The following CNIH3 variants were observed in gnomAD, a reference collection of about 807,000 sequenced individuals.
CNIH3 encodes the protein protein cornichon homolog 3.
CNIH3 carries 14 observed loss-of-function variants against 24.1 expected under a neutral mutation model. That is an observed-to-expected ratio of 0.58 (90% CI 0.38 to 0.91). The LOEUF (loss-of-function observed/expected upper bound fraction) is 0.91. Ranked by LOEUF, CNIH3 falls within the 40% of genes least tolerant of loss-of-function variation. The pLI is 0.00. For missense variants in CNIH3, 178 were observed against 196.8 expected, an observed-to-expected ratio of 0.90 and a Z score of 0.57; for synonymous variants, 68 against 73.8, an observed-to-expected ratio of 0.92 and a Z score of 0.40.
rs144375497 is a variant in CNIH3 at position 224,686,757 on chromosome 1, C to T, written c.198+1914C>T. ...TTTTATGCTGCTTGACCAGTGACTC[C>T]GGCCAGGCAGCAGGCAATGGCCAAG... On this transcript the variant is annotated intron_variant, in intron 3 of 5. Transcript: ENST00000272133. 3.9e-5 allele frequency among the ~76,000 whole-genome samples: 6 copies of T among 152,344 alleles called. No homozygotes were observed. The East Asian group carries it at 5.8e-4, about 15-fold the overall frequency.
chr1:224,725,513 G>A (rs1430053303), intron 3 of CNIH3, among the ~76,000 whole-genome samples: 1 of 152,170 alleles, frequency 6.6e-6, no homozygotes, highest in South Asian at 2.1e-4. Context: ...GTCGACAGGG[G>A]CATTCAGAGA....
intron 1 of CNIH3, among the ~76,000 whole-genome samples, chr1:224,642,476 T>C (rs1047495598): frequency 6.6e-6 from 1 of 152,174 alleles, no homozygotes; most frequent in African/African-American, 2.4e-5. Context: ...ACAATCCACC[T>C]GCCTTGGCCT....
intron 2 of CNIH3, among the ~76,000 whole-genome samples, chr1:224,527,941 G>A (rs1228527046): frequency 6.6e-6 from 1 of 152,146 alleles, no homozygotes; most frequent in African/African-American, 2.4e-5. Flanking sequence ...ATCCGTATCT[G>A]TATATGTACA....
chr1:224,707,491 T>C (rs1215528957), intron 3 of CNIH3, among the ~76,000 whole-genome samples: 2 of 118,224 alleles, frequency 1.7e-5, no homozygotes. Context: ...AACCACAAAG[T>C]TCACAGAAGC....
intron 1 of CNIH3, among the ~76,000 whole-genome samples, chr1:224,676,540 C>T (rs941933685): frequency 2.6e-5 from 4 of 152,124 alleles, no homozygotes; most frequent in Non-Finnish European, 5.9e-5. Flanking sequence ...ATGATCTTAT[C>T]GTTGGTTTAG....
chr1:224,725,146 G>A (rs1023911104), intron 3 of CNIH3, among the ~76,000 whole-genome samples: 2 of 152,186 alleles, frequency 1.3e-5, no homozygotes, highest in African/African-American at 4.8e-5. Flanking sequence ...GGAGGTGGAG[G>A]TTGCAGTGAG....
chr1:224,466,274 C>T (rs1651252206), intron 1 of CNIH3, among the ~76,000 whole-genome samples: 1 of 152,156 alleles, frequency 6.6e-6, no homozygotes, highest in African/African-American at 2.4e-5. Flanking sequence ...AGTCCATAAC[C>T]CCAGCAGCCA....
At chr1:224,574,511 C>T in intron 4 of CNIH3, 1 of 684,948 alleles carries the variant, frequency 1.5e-6, no homozygotes, top group Non-Finnish European at 2.7e-6. Flanking sequence ...CCCCTCCAGG[C>T]CAGGTAACTG....
At chr1:224,635,218 T>G (rs1684030164) in intron 1 of CNIH3, among the ~76,000 whole-genome samples, 1 of 152,116 alleles carries the variant, frequency 6.6e-6, no homozygotes, top group East Asian at 1.9e-4. Flanking sequence ...TCTTGTGAGA[T>G]CTCACTCACT....
At chr1:224,539,452 C>T (rs554943011), downstream of CNIH3, among the ~76,000 whole-genome samples, 2 of 152,314 alleles carry the variant, frequency 1.3e-5, no homozygotes, top group South Asian at 2.1e-4. Flanking sequence ...TTTCCAACTT[C>T]GACTTTTCTT....
chr1:224,724,413 A>C (rs1052578994), intron 3 of CNIH3, among the ~76,000 whole-genome samples: 1 of 152,182 alleles, frequency 6.6e-6, no homozygotes. Flanking sequence ...TGGCCTCCTG[A>C]GAGCAAAGGG....
chr1:224,538,641 C>T (rs1256338895), downstream of CNIH3, among the ~76,000 whole-genome samples: 1 of 150,636 alleles, frequency 6.6e-6, no homozygotes, highest in Non-Finnish European at 1.5e-5. Flanking sequence ...CTGCCTCCTC[C>T]TCCTTCTCTC....
intron 4 of CNIH3, among the ~76,000 whole-genome samples, chr1:224,580,843 T>A (rs1220740276): frequency 6.6e-6 from 1 of 151,936 alleles, no homozygotes; most frequent in Non-Finnish European, 1.5e-5. Context: ...AGGGAACAGT[T>A]AATTATGTAT....
chr1:224,673,340 G>A (rs1403801368), intron 1 of CNIH3, among the ~76,000 whole-genome samples: 2 of 152,106 alleles, frequency 1.3e-5, no homozygotes, highest in East Asian at 1.9e-4. Context: ...GATGAATCCC[G>A]CACAGTTGGG....
chr1:224,587,595 G>A (rs1347397731), intron 5 of CNIH3, among the ~76,000 whole-genome samples: 2 of 152,152 alleles, frequency 1.3e-5, no homozygotes, highest in African/African-American at 4.8e-5. Context: ...ACTTTTTATT[G>A]AAAAATTTAA....
chr1:224,502,669 C>T (rs530548231), intron 1 of CNIH3, among the ~76,000 whole-genome samples: 89 of 151,090 alleles, frequency 5.9e-4, no homozygotes, highest in Non-Finnish European at 1.2e-3. Context: ...AACCCCCCTG[C>T]TTACATTCCC....
At chr1:224,477,047 A>G (rs1003106231) in intron 1 of CNIH3, among the ~76,000 whole-genome samples, 4 of 152,160 alleles carry the variant, frequency 2.6e-5, no homozygotes, top group African/African-American at 7.2e-5. Context: ...AACAGCACCA[A>G]GTTTATTTCT....
chr1:224,621,590 T>A (rs1402022404), intron 1 of CNIH3, among the ~76,000 whole-genome samples: 1 of 152,110 alleles, frequency 6.6e-6, no homozygotes, highest in African/African-American at 2.4e-5. Flanking sequence ...GCCTGCTCCA[T>A]CCCCCTTTTA....
intron 2 of CNIH3, among the ~76,000 whole-genome samples, chr1:224,533,824 A>G (rs1338317432): frequency 6.6e-6 from 1 of 152,180 alleles, no homozygotes; most frequent in Non-Finnish European, 1.5e-5. Flanking sequence ...CCATTTCCAA[A>G]TAAGGTCACT....
Sources: gnomAD v4.1 joint callset for allele counts (sites outside exome capture counted in the v4.1 genomes callset) on GRCh38, gnomAD v4.1.1 for gene constraint, MANE v1.5 for transcripts, NCBI Gene and HGNC (gene_info 2026-07-23, HGNC 2026-07-21) for gene names.